The following TFAP2D variants were observed in gnomAD, a reference collection of about 807,000 sequenced individuals.
TFAP2D encodes transcription factor AP-2-delta.
TFAP2D carries 9 observed loss-of-function variants against 43.6 expected under a neutral mutation model. The ratio of observed to expected loss-of-function variants is 0.21; its 90% CI spans 0.12 to 0.36. TFAP2D has a LOEUF of 0.36. TFAP2D is among the 10% of genes least tolerant of loss of function. The probability of loss-of-function intolerance (pLI) is 1.00; values close to 1 mark genes in which losing one functional copy is unlikely to be tolerated. For missense variants in TFAP2D, 513 were observed against 561.4 expected, an observed-to-expected ratio of 0.91 and a Z score of 0.87; for synonymous variants, 256 against 224.9, an observed-to-expected ratio of 1.14 and a Z score of -1.24.
chr6:50,768,834 G>A (rs560974384), intron 7 of TFAP2D, among the ~76,000 whole-genome samples: 1 of 151,406 alleles, frequency 6.6e-6, no homozygotes, highest in African/African-American at 2.4e-5. Flanking sequence ...GGTCATGAAA[G>A]TCAAAATGAC....
At chr6:50,763,077 G>T (rs1769385493) in intron 7 of TFAP2D, among the ~76,000 whole-genome samples, 1 of 151,958 alleles carries the variant, frequency 6.6e-6, no homozygotes, top group South Asian at 2.1e-4. Flanking sequence ...TACCCAAGTG[G>T]ACATGTTTTC....
At position 50,715,596 on chromosome 6, in the gene TFAP2D, G is replaced by C. The variant is rs762728199; in HGVS notation, c.520G>C (p.Gly174Arg). The C allele has an allele frequency of 6.3e-7, 1 of 1,595,578 alleles. No homozygotes were observed. The highest frequency in any genetic ancestry group is 8.5e-7 in the Non-Finnish European group (1 of 1,169,856). Residue 174 changes from glycine (G) to arginine (R), a missense_variant, in exon 2 of 8, where the codon GGA becomes CGA. Transcript: ENST00000008391. Reference sequence around the variant, plus strand: ...GCCCAGCCTGGGGCTGGCCGCCGCGGGAGCAGACGACTTGCAGGTAAATAA... The same window carrying C: ...GCCCAGCCTGGGGCTGGCCGCCGCGCGAGCAGACGACTTGCAGGTAAATAA... ...PGPSLGLAAA[G>R]ADDLQGSVEA...
chr6:50,764,562 A>G (rs546541915), intron 7 of TFAP2D, among the ~76,000 whole-genome samples: 2 of 152,212 alleles, frequency 1.3e-5, no homozygotes. Flanking sequence ...ATCTATAAAA[A>G]TAAAAATAAA....
intron 7 of TFAP2D, among the ~76,000 whole-genome samples, chr6:50,752,229 A>G (rs78601685): frequency 3.9e-5 from 6 of 151,974 alleles, no homozygotes; most frequent in Non-Finnish European, 7.4e-5. Flanking sequence ...AATAAAATTT[A>G]AAAAAGAAAT....
In TFAP2D at chr6:50,715,167, G is replaced by C. The variant is rs759718048; in HGVS notation, c.91G>C (p.Glu31Gln). The change falls in exon 2 of 8, where the codon GAG becomes CAG. Residue 31 changes from glutamate to glutamine, a missense_variant. Transcript: ENST00000008391. Reference protein sequence around the residue: ...SYRLMQLGCLESVANSTVAYS... With the variant: ...SYRLMQLGCLQSVANSTVAYS... ...CCGTTTGATGCAGCTTGGCTGTCTG[G>C]AGTCAGTAGCCAATTCCACTGTCGC... is the stretch of plus-strand genomic sequence containing the variant. The C allele has an allele frequency of 6.2e-7, 1 of 1,613,994 alleles. No homozygotes were observed. Among genetic ancestry groups the C allele is most frequent in the Non-Finnish European group, 8.5e-7 (1 of 1,180,002 alleles).
At chr6:50,735,309 A>T (rs1166194406) in intron 5 of TFAP2D, among the ~76,000 whole-genome samples, 1 of 152,106 alleles carries the variant, frequency 6.6e-6, no homozygotes, top group Admixed American at 6.6e-5. Context: ...GAACAGTTTC[A>T]TTGCTGAGTT....
chr6:50,723,797 T>C (rs1768766226), intron 3 of TFAP2D, among the ~76,000 whole-genome samples: 1 of 152,150 alleles, frequency 6.6e-6, no homozygotes, highest in Non-Finnish European at 1.5e-5. Context: ...AAAACACTTT[T>C]TGCACTGGGG....
At chr6:50,752,394 C>T (rs1431584675) in intron 7 of TFAP2D, among the ~76,000 whole-genome samples, 5 of 151,620 alleles carry the variant, frequency 3.3e-5, no homozygotes, top group Middle Eastern at 3.2e-3. Flanking sequence ...ATTTTAATGC[C>T]TACATGATAG....
intron 5 of TFAP2D, among the ~76,000 whole-genome samples, chr6:50,743,690 G>C (rs1297905008): frequency 6.6e-6 from 1 of 151,938 alleles, no homozygotes; most frequent in African/African-American, 2.4e-5. Flanking sequence ...GATATTAACT[G>C]TTCTCTTTTG....
intron 3 of TFAP2D, among the ~76,000 whole-genome samples, chr6:50,721,070 C>G (rs1768715595): frequency 6.6e-6 from 1 of 152,162 alleles, no homozygotes; most frequent in Non-Finnish European, 1.5e-5. Context: ...CCAAGAAAGG[C>G]CAAAGCTCTT....
intron 5 of TFAP2D, among the ~76,000 whole-genome samples, chr6:50,731,291 CT>C (rs1447725200): frequency 1.3e-5 from 2 of 152,016 alleles, no homozygotes; most frequent in African/African-American, 4.8e-5. Context: ...TAATTGTGTG[CT>C]TTTGAAATCC....
chr6:50,735,188 T>C (rs1768945536), intron 5 of TFAP2D, among the ~76,000 whole-genome samples: 1 of 152,164 alleles, frequency 6.6e-6, no homozygotes, highest in Admixed American at 6.6e-5. Context: ...AGAATAGCTG[T>C]TATGCACAGG....
At chr6:50,745,986 T>C (rs1011947021) in intron 6 of TFAP2D, among the ~76,000 whole-genome samples, 1 of 152,128 alleles carries the variant, frequency 6.6e-6, no homozygotes, top group Non-Finnish European at 1.5e-5. Context: ...CTACCATTTA[T>C]TGTGTAAAAA....
intron 5 of TFAP2D, among the ~76,000 whole-genome samples, chr6:50,734,235 T>C (rs1378906989): frequency 2.0e-5 from 3 of 152,004 alleles, no homozygotes; most frequent in African/African-American, 2.4e-5. Flanking sequence ...GCAAAATCTA[T>C]TAACCCTTTG....
At chr6:50,730,727 C>A (rs1168148133) in intron 5 of TFAP2D, among the ~76,000 whole-genome samples, 1 of 152,094 alleles carries the variant, frequency 6.6e-6, no homozygotes, top group Non-Finnish European at 1.5e-5. Context: ...AGATTTCTTA[C>A]AAAGTGCCTA....
intron 7 of TFAP2D, 90 bp downstream of exon 7, chr6:50,751,414 T>C: frequency 2.3e-6 from 2 of 867,506 alleles, no homozygotes; most frequent in Non-Finnish European, 3.8e-6. Context: ...ACCACTTATA[T>C]GTTTATATGG....
intron 6 of TFAP2D, among the ~76,000 whole-genome samples, chr6:50,750,911 G>A (rs1055133448): frequency 3.3e-5 from 5 of 151,850 alleles, no homozygotes; most frequent in South Asian, 2.1e-4. Flanking sequence ...TTTCATATGG[G>A]GTTCCCCTTA....
intron 5 of TFAP2D, among the ~76,000 whole-genome samples, chr6:50,740,076 A>G (rs1367964000): frequency 1.3e-5 from 2 of 152,206 alleles, no homozygotes; most frequent in Non-Finnish European, 2.9e-5. Context: ...TGATAGTATA[A>G]GAATTTACTT....
chr6:50,764,482 A>G (rs1463511770), intron 7 of TFAP2D, among the ~76,000 whole-genome samples: 1 of 152,236 alleles, frequency 6.6e-6, no homozygotes, highest in East Asian at 1.9e-4. Context: ...TTAGCTATTC[A>G]TTAATTCAAT....
Sources: allele counts gnomAD v4.1 joint callset (sites outside exome capture counted in the v4.1 genomes callset), GRCh38; gene constraint gnomAD v4.1.1; transcripts MANE v1.5; gene names NCBI Gene and HGNC (gene_info 2026-07-23, HGNC 2026-07-21).